The following ARHGAP44 variants were observed in gnomAD, a reference collection of about 807,000 sequenced individuals.
The protein encoded by ARHGAP44 is rho GTPase-activating protein 44.
Under a neutral mutation model 106.8 loss-of-function variants are expected in ARHGAP44, and 43 were observed. The observed-to-expected ratio is 0.40, with a 90% CI of 0.32 to 0.52. The LOEUF (loss-of-function observed/expected upper bound fraction) is 0.52, where lower values mean the gene tolerates loss of function less well. Ranked by LOEUF, ARHGAP44 falls within the 20% of genes least tolerant of loss-of-function variation. The probability of loss-of-function intolerance (pLI) is 0.48; values close to 1 mark genes in which losing one functional copy is unlikely to be tolerated. For missense variants in ARHGAP44, 866 were observed against 1,050.5 expected (o/e 0.82, Z 2.43); for synonymous variants, 439 against 410.3 (o/e 1.07, Z -0.85).
chr17:12,882,358 G>A (rs1171736816), intron 1 of ARHGAP44, among the ~76,000 whole-genome samples: 1 of 151,928 alleles, frequency 6.6e-6, no homozygotes, highest in Non-Finnish European at 1.5e-5. Context: ...AATAATTTCT[G>A]TAGATTACTT....
intron 1 of ARHGAP44, among the ~76,000 whole-genome samples, chr17:12,844,785 T>G (rs2035515264): frequency 6.6e-6 from 1 of 152,218 alleles, no homozygotes; most frequent in Non-Finnish European, 1.5e-5. Flanking sequence ...TTTATTTATT[T>G]TTTGCCTGCA....
intron 5 of ARHGAP44, among the ~76,000 whole-genome samples, chr17:12,917,971 G>A (rs1164477109): frequency 6.6e-6 from 1 of 152,136 alleles, no homozygotes; most frequent in South Asian, 2.1e-4. Flanking sequence ...GGTATGGGCC[G>A]GTAATTACTT....
intron 1 of ARHGAP44, among the ~76,000 whole-genome samples, chr17:12,828,299 T>C (rs1439139144): frequency 6.6e-6 from 1 of 152,110 alleles, no homozygotes; most frequent in Non-Finnish European, 1.5e-5. Context: ...ATCCTACAGT[T>C]TTCCTGTTAA....
chr17:12,891,178 T>C (rs1233881911), intron 1 of ARHGAP44, among the ~76,000 whole-genome samples: 1 of 152,172 alleles, frequency 6.6e-6, no homozygotes, highest in Non-Finnish European at 1.5e-5. Context: ...AATGCAGCCT[T>C]TTTCTAGCCT....
intron 1 of ARHGAP44, among the ~76,000 whole-genome samples, chr17:12,810,492 G>A (rs762054162): frequency 3.3e-5 from 5 of 152,142 alleles, no homozygotes; most frequent in Admixed American, 1.3e-4. Context: ...GAGGATGAGG[G>A]CTGGTCACCA....
At chr17:12,915,345 C>T (rs2037875526) in intron 4 of ARHGAP44, among the ~76,000 whole-genome samples, 1 of 152,196 alleles carries the variant, frequency 6.6e-6, no homozygotes, top group South Asian at 2.1e-4. Flanking sequence ...AATTTAACAT[C>T]TTTGAAATAG....
chr17:12,822,274 A>C (rs535435792), intron 1 of ARHGAP44, among the ~76,000 whole-genome samples: 1 of 152,320 alleles, frequency 6.6e-6, no homozygotes, highest in African/African-American at 2.4e-5. Flanking sequence ...TTTGAATTTC[A>C]TGTAATTTTC....
chr17:12,811,461 A>G (rs2034439531), intron 1 of ARHGAP44, among the ~76,000 whole-genome samples: 2 of 152,092 alleles, frequency 1.3e-5, no homozygotes, highest in Admixed American at 6.6e-5. Context: ...TGCTGTCTCA[A>G]GGGTGGCAGA....
At position 12,959,000 on chromosome 17, in the gene ARHGAP44, C is replaced by G. The variant is rs752138529; in HGVS notation, c.1523+103C>G. ...TACAATTACGGGAAGGCTGCACTGA[C>G]TCTCAGCAGTTTAGGTGACTCGTAG... On this transcript the variant is annotated intron_variant, in intron 16 of 20. Coordinates refer to ENST00000379672, the MANE Select transcript of ARHGAP44 (RefSeq NM_014859.6). The surrounding 1 kb of genome is among the most constrained non-coding windows in gnomAD (Gnocchi z 4.1). The G allele has an allele frequency of 1.5e-6, 2 of 1,344,722 alleles. No homozygotes were observed. The highest frequency in any genetic ancestry group is 2.9e-5 in the African/African-American group (2 of 69,116). 83.3% of individuals were successfully genotyped at this position (1,344,722 alleles called of 1,614,324 possible). A position where few individuals can be genotyped will look rare whatever the true frequency, so the allele number is the denominator to read the frequency against.
chr17:12,926,430 AAT>A (rs1015114894), intron 6 of ARHGAP44, among the ~76,000 whole-genome samples: 3 of 142,418 alleles, frequency 2.1e-5, no homozygotes, highest in African/African-American at 5.1e-5. Flanking sequence ...ATGTATATAT[AAT>A]ATATATGTAT....
At position 12,848,346 on chromosome 17, in the gene ARHGAP44, T is replaced by C. The variant is rs546563224; in HGVS notation, c.54-46594T>C. 2.6e-5 allele frequency among the ~76,000 whole-genome samples: 4 copies of C among 152,110 alleles called. No individual in the cohort carries two copies. The South Asian group carries it at 6.2e-4, about 24-fold the overall frequency. On this transcript the variant is annotated intron_variant, in intron 1 of 20. Transcript: ENST00000379672. ...GGATCTCCTTTACTGCCTTTTCGGG[T>C]GTAGATAGATATTCAGACTTTAAAA...
At chr17:12,941,006 C>T in intron 7 of ARHGAP44, 50 bp from the exon 8 acceptor site, 2 of 1,540,832 alleles carry the variant, frequency 1.3e-6, no homozygotes, top group South Asian at 1.1e-5. Flanking sequence ...GCATTAGCCA[C>T]TCTCCATTGG....
intron 9 of ARHGAP44, 63 bp downstream of exon 9, chr17:12,943,732 A>G: frequency 1.3e-6 from 2 of 1,522,838 alleles, no homozygotes; most frequent in South Asian, 1.1e-5. Context: ...CCCGGATGAG[A>G]TGAATTCCTT....
intron 20 of ARHGAP44, 176 bp downstream of exon 20, chr17:12,985,084 C>T (rs947649872): frequency 1.3e-6 from 1 of 768,068 alleles, no homozygotes; most frequent in Non-Finnish European, 2.0e-6. Context: ...GGAAAGCAAC[C>T]CTGGAATCCA....
chr17:12,896,737 G>A (rs2150921558), intron 3 of ARHGAP44, among the ~76,000 whole-genome samples: 1 of 152,310 alleles, frequency 6.6e-6, no homozygotes, highest in East Asian at 1.9e-4. Flanking sequence ...CCACAGGCAA[G>A]TTGAGGTCCT....
intron 1 of ARHGAP44, among the ~76,000 whole-genome samples, chr17:12,803,298 G>A (rs951981536): frequency 1.3e-5 from 2 of 151,922 alleles, no homozygotes; most frequent in Middle Eastern, 3.4e-3. Context: ...CTAGAGATGG[G>A]GTTTCACTGT....
In ARHGAP44 at chr17:12,840,868, G is replaced by A. The variant is rs144531328; in HGVS notation, c.53+50977G>A. On this transcript the variant is annotated intron_variant, in intron 1 of 20. Transcript: ENST00000379672. The stretch of plus-strand genomic sequence containing the variant: ...AGCTCCACAAACCCCACTGATGACC[G>A]CGATGTGAACACACCATCCTGTTTG... 1.7e-3 allele frequency among the ~76,000 whole-genome samples: 256 copies of A among 152,228 alleles called. 1 individual carries two copies. The highest frequency in any genetic ancestry group is 5.5e-3 in the African/African-American group (228 of 41,542).
chr17:12,898,280 G>A (rs182572239), intron 3 of ARHGAP44, among the ~76,000 whole-genome samples: 1 of 152,296 alleles, frequency 6.6e-6, no homozygotes, highest in African/African-American at 2.4e-5. Flanking sequence ...CGGTGTGACA[G>A]CCCCTTAGAG....
intron 12 of ARHGAP44, 25 bp from the exon 13 acceptor site, chr17:12,952,476 A>G (rs373107422): frequency 2.2e-4 from 336 of 1,535,966 alleles, no homozygotes; most frequent in African/African-American, 3.0e-4. Flanking sequence ...TGCTCAACCA[A>G]TGACCTTTCC....
Sources: gnomAD v4.1 joint callset for allele counts (sites outside exome capture counted in the v4.1 genomes callset) on GRCh38, gnomAD v4.1.1 for gene constraint, Gnocchi (gnomAD v3.1) non-coding constraint, MANE v1.5 for transcripts, NCBI Gene and HGNC (gene_info 2026-07-23, HGNC 2026-07-21) for gene names.